The following LRMDA variants were observed in gnomAD, a reference collection of about 807,000 sequenced individuals.
LRMDA encodes leucine rich melanocyte differentiation associated, also known as leucine-rich melanocyte differentiation-associated protein.
In LRMDA, 18 loss-of-function variants were observed where a neutral mutation model predicts 29.8. The observed-to-expected ratio is 0.60, with a 90% confidence interval of 0.42 to 0.90. The LOEUF is 0.90. LRMDA is among the 40% of genes least tolerant of loss of function. The pLI, the probability that LRMDA is intolerant of heterozygous loss-of-function variation, is 0.00. For missense variants in LRMDA, 273 were observed against 273.9 expected (o/e 1.00, Z 0.02); for synonymous variants, 125 against 109.4 (o/e 1.14, Z -0.89).
intron 5 of LRMDA, among the ~76,000 whole-genome samples, chr10:76,310,262 T>C (rs890175984): frequency 2.6e-5 from 4 of 152,180 alleles, no homozygotes; most frequent in Admixed American, 6.5e-5. Context: ...CTCAAAAAAG[T>C]TGGAATTGGC....
At chr10:75,615,970 C>G (rs1016534859) in intron 2 of LRMDA, among the ~76,000 whole-genome samples, 1 of 152,094 alleles carries the variant, frequency 6.6e-6, no homozygotes, top group African/African-American at 2.4e-5. Context: ...ATTTTAATTT[C>G]TGAATTAATA....
At chr10:76,055,758 A>G (rs979638157) in intron 4 of LRMDA, among the ~76,000 whole-genome samples, 2 of 152,254 alleles carry the variant, frequency 1.3e-5, no homozygotes, top group African/African-American at 4.8e-5. Flanking sequence ...CATCTGGACC[A>G]GGCATACCAC....
At chr10:76,259,237 A>G (rs1341020056) in intron 5 of LRMDA, among the ~76,000 whole-genome samples, 1 of 152,046 alleles carries the variant, frequency 6.6e-6, no homozygotes, top group Non-Finnish European at 1.5e-5. Context: ...ATTTGAAAAT[A>G]TATTTCTTGG....
At chr10:75,770,010 G>A (rs541474580) in intron 2 of LRMDA, among the ~76,000 whole-genome samples, 1 of 152,120 alleles carries the variant, frequency 6.6e-6, no homozygotes, top group South Asian at 2.1e-4. Flanking sequence ...GGTTGGGTGT[G>A]ATGGTTCAAG....
intron 2 of LRMDA, among the ~76,000 whole-genome samples, chr10:75,580,880 A>C (rs181305462): frequency 6.6e-6 from 1 of 152,350 alleles, no homozygotes; most frequent in Admixed American, 6.5e-5. Context: ...AGAAAGCTGA[A>C]ACTGGATCTC....
chr10:75,993,554 A>G (rs550771473), intron 2 of LRMDA, among the ~76,000 whole-genome samples: 1 of 152,070 alleles, frequency 6.6e-6, no homozygotes, highest in African/African-American at 2.4e-5. Context: ...CCAATGTGGC[A>G]AAACTCCATC....
intron 2 of LRMDA, among the ~76,000 whole-genome samples, chr10:75,888,639 G>A (rs535943337): frequency 1.3e-5 from 2 of 152,240 alleles, no homozygotes; most frequent in East Asian, 1.9e-4. Flanking sequence ...TATTAGGCTC[G>A]GGCTGACTGG....
chr10:75,558,517 G>T (rs1242066393), intron 2 of LRMDA, among the ~76,000 whole-genome samples: 1 of 151,744 alleles, frequency 6.6e-6, no homozygotes, highest in Non-Finnish European at 1.5e-5. Flanking sequence ...ACTTTATTTT[G>T]TATTTTTATT....
chr10:76,353,399 A>G (rs1037698441), intron 6 of LRMDA, among the ~76,000 whole-genome samples: 3 of 151,610 alleles, frequency 2.0e-5, no homozygotes, highest in African/African-American at 7.3e-5. Flanking sequence ...CTCATTTACA[A>G]TGGTTCTTAA....
intron 6 of LRMDA, among the ~76,000 whole-genome samples, chr10:76,467,572 T>A (rs1842576737): frequency 6.6e-6 from 1 of 152,206 alleles, no homozygotes. Context: ...CAGAGGACAT[T>A]GCTATAAATC....
intron 5 of LRMDA, among the ~76,000 whole-genome samples, chr10:76,271,028 T>C (rs1275085130): frequency 6.6e-6 from 1 of 152,206 alleles, no homozygotes; most frequent in African/African-American, 2.4e-5. Context: ...TTTCCCCCTG[T>C]CCTTTGCCTA....
At chr10:76,177,423 C>A (rs1426256896) in intron 5 of LRMDA, among the ~76,000 whole-genome samples, 1 of 151,774 alleles carries the variant, frequency 6.6e-6, no homozygotes, top group Admixed American at 6.6e-5. Context: ...AACAAAAAAA[C>A]CTCTTCATTA....
intron 5 of LRMDA, among the ~76,000 whole-genome samples, chr10:76,082,412 T>G (rs566638039): frequency 1.9e-4 from 29 of 152,246 alleles, no homozygotes; most frequent in Admixed American, 1.5e-3. Context: ...ACAGATTTAT[T>G]TGTATCTGTT....
intron 6 of LRMDA, among the ~76,000 whole-genome samples, chr10:76,487,135 C>T (rs529893286): frequency 7.9e-5 from 12 of 151,954 alleles, no homozygotes; most frequent in African/African-American, 2.9e-4. Context: ...CATGAAGTCC[C>T]TCTATGAAGG....
chr10:75,884,287 GT>G (rs1845345448), intron 2 of LRMDA, among the ~76,000 whole-genome samples: 1 of 150,792 alleles, frequency 6.6e-6, no homozygotes, highest in Non-Finnish European at 1.5e-5. Context: ...GTGTGTGTGT[GT>G]GTGTAGGGGA....
At chr10:75,839,700 C>CTTTTTTTTTTTT (rs1160178913) in intron 2 of LRMDA, among the ~76,000 whole-genome samples, 1 of 82,796 alleles carries the variant, frequency 1.2e-5, no homozygotes, top group Non-Finnish European at 2.2e-5. Context: ...ATCCGACTTT[C>CTTTTTTTTTTTT]TTTTTTTTTT....
At chr10:75,685,912 T>A (rs1229787979) in intron 2 of LRMDA, among the ~76,000 whole-genome samples, 1 of 152,188 alleles carries the variant, frequency 6.6e-6, no homozygotes, top group East Asian at 1.9e-4. Flanking sequence ...CCAGCTACAG[T>A]TCTAAGTGCT....
At chr10:76,487,955 G>A (rs777291277) in intron 6 of LRMDA, among the ~76,000 whole-genome samples, 2 of 151,892 alleles carry the variant, frequency 1.3e-5, no homozygotes, top group African/African-American at 4.8e-5. Context: ...TAGAATGTGT[G>A]TGATAACAAA....
At chr10:75,561,887 C>G (rs9702209) in intron 2 of LRMDA, among the ~76,000 whole-genome samples, 2 of 151,838 alleles carry the variant, frequency 1.3e-5, no homozygotes, top group East Asian at 3.9e-4. Flanking sequence ...TGCACCGTGG[C>G]CTGAGTGACA....
Sources: allele counts gnomAD v4.1 joint callset (sites outside exome capture counted in the v4.1 genomes callset), GRCh38; gene constraint gnomAD v4.1.1; transcripts MANE v1.5; gene names NCBI Gene and HGNC (gene_info 2026-07-23, HGNC 2026-07-21).